Variants in LHFPL3 observed in about 807,000 individuals in gnomAD.
LHFPL3 encodes LHFPL tetraspan subfamily member 3 protein.
LHFPL3 carries 5 observed loss-of-function variants against 19.3 expected under a neutral mutation model. That is an observed-to-expected ratio of 0.26 (90% CI 0.14 to 0.54). The LOEUF (loss-of-function observed/expected upper bound fraction) is 0.54. LHFPL3 is among the 20% of genes least tolerant of loss of function. The pLI is 0.94. For missense variants in LHFPL3, 249 were observed against 307.4 expected (o/e 0.81, Z 1.42); for synonymous variants, 133 against 126.2 (o/e 1.05, Z -0.36).
chr7:104,603,479 A>G (rs968980672), intron 1 of LHFPL3, among the ~76,000 whole-genome samples: 1 of 152,140 alleles, frequency 6.6e-6, no homozygotes, highest in African/African-American at 2.4e-5. Flanking sequence ...AATGCAAAAT[A>G]CATTCATTTT....
intron 1 of LHFPL3, among the ~76,000 whole-genome samples, chr7:104,681,936 C>T (rs1452648272): frequency 6.6e-6 from 1 of 152,162 alleles, no homozygotes; most frequent in South Asian, 2.1e-4. Flanking sequence ...ATTCTGCCAT[C>T]AGCATATTGC....
rs1400264301 is a variant in LHFPL3, at chr7:104,545,713, T to G, written c.446-190962T>G. Reference sequence around the variant, plus strand: ...GAGCAGGAACGTAGTCTAGCCATTTTCATCCTTCAAACCACCAATTCCTTT... The same window carrying G: ...GAGCAGGAACGTAGTCTAGCCATTTGCATCCTTCAAACCACCAATTCCTTT... On this transcript the variant is annotated intron_variant, in intron 1 of 2. Coordinates refer to ENST00000424859, the MANE Select transcript of LHFPL3 (RefSeq NM_199000.3). Among the ~76,000 whole-genome samples the G allele has an allele frequency of 2.0e-5, 3 of 152,236 alleles. No homozygotes were observed. In the East Asian group the frequency reaches 5.8e-4, roughly 29 times the overall value.
chr7:104,566,926 CT>C (rs761794465), intron 1 of LHFPL3, among the ~76,000 whole-genome samples: 15 of 152,096 alleles, frequency 9.9e-5, no homozygotes, highest in Non-Finnish European at 1.8e-4. Flanking sequence ...AAAAATTATC[CT>C]TGGCTTTGTT....
At chr7:104,371,031 C>T (rs1006758427) in intron 1 of LHFPL3, among the ~76,000 whole-genome samples, 18 of 152,192 alleles carry the variant, frequency 1.2e-4, no homozygotes, top group Non-Finnish European at 1.3e-4. Context: ...ACCTCACTAT[C>T]CAACATATAT....
chr7:104,822,489 G>A (rs1790693597), intron 2 of LHFPL3, among the ~76,000 whole-genome samples: 1 of 152,142 alleles, frequency 6.6e-6, no homozygotes, highest in African/African-American at 2.4e-5. Context: ...TCTGTCCTGT[G>A]CATTGTAGGA....
At chr7:104,820,648 A>G (rs1280062253) in intron 2 of LHFPL3, among the ~76,000 whole-genome samples, 2 of 152,102 alleles carry the variant, frequency 1.3e-5, no homozygotes, top group East Asian at 1.9e-4. Flanking sequence ...CAGTATCACA[A>G]AGAACTCATT....
chr7:104,839,352 A>ATTTC (rs1267496954), intron 2 of LHFPL3, among the ~76,000 whole-genome samples: 1 of 152,164 alleles, frequency 6.6e-6, no homozygotes, highest in African/African-American at 2.4e-5. Flanking sequence ...GGAAACCTGA[A>ATTTC]TTTCTTTTAT....
chr7:104,611,431 A>G (rs1241863692), intron 1 of LHFPL3, among the ~76,000 whole-genome samples: 2 of 152,226 alleles, frequency 1.3e-5, no homozygotes, highest in Admixed American at 6.5e-5. Flanking sequence ...CAGGAAATAC[A>G]GCATGGCACA....
At chr7:104,817,332 C>A (rs996621862) in intron 2 of LHFPL3, among the ~76,000 whole-genome samples, 4 of 152,174 alleles carry the variant, frequency 2.6e-5, no homozygotes, top group African/African-American at 9.7e-5. Flanking sequence ...ATTCAGCCCA[C>A]AAGGGCCTCC....
intron 1 of LHFPL3, among the ~76,000 whole-genome samples, chr7:104,605,000 G>T (rs1419566250): frequency 6.6e-6 from 1 of 152,144 alleles, no homozygotes; most frequent in Admixed American, 6.5e-5. Flanking sequence ...ACAGGGATTT[G>T]CTAGCCATAT....
intron 2 of LHFPL3, among the ~76,000 whole-genome samples, chr7:104,882,232 C>T (rs1584596095): frequency 6.6e-6 from 1 of 151,992 alleles, no homozygotes; most frequent in East Asian, 1.9e-4. Flanking sequence ...CACTACATTT[C>T]ATTTATTTAT....
At chr7:104,861,749 C>T (rs1406870237) in intron 2 of LHFPL3, among the ~76,000 whole-genome samples, 1 of 152,174 alleles carries the variant, frequency 6.6e-6, no homozygotes, top group Non-Finnish European at 1.5e-5. Flanking sequence ...CTAACATGGT[C>T]AAACGCACAC....
chr7:104,669,032 C>A, intron 1 of LHFPL3: 1 of 1,612,046 alleles, frequency 6.2e-7, no homozygotes, highest in Non-Finnish European at 8.5e-7. Context: ...GGGACCTCCA[C>A]CACATCTGGC....
Position 104,343,058 on chromosome 7 carries a change from T to C in LHFPL3, c.445+13834T>C, listed in dbSNP as rs1562869712. 3.3e-5 allele frequency among the ~76,000 whole-genome samples: 5 copies of C among 151,134 alleles called. No homozygotes were observed. In the South Asian group the frequency reaches 1.0e-3, roughly 32 times the overall value. On this transcript the variant is annotated intron_variant, in intron 1 of 2. Transcript: ENST00000424859. The stretch of plus-strand genomic sequence containing the variant: ...ACAAATGATTGTGAGAGGTGGTCCC[T>C]ATACACTAAAGTTTTAATTATGATA...
At chr7:104,717,246 C>T (rs888945013) in intron 1 of LHFPL3, among the ~76,000 whole-genome samples, 6 of 151,932 alleles carry the variant, frequency 3.9e-5, no homozygotes. Flanking sequence ...TTAGTCTTGG[C>T]AATGATTTTA....
chr7:104,438,452 C>T (rs1792154513), intron 1 of LHFPL3, among the ~76,000 whole-genome samples: 1 of 152,132 alleles, frequency 6.6e-6, no homozygotes, highest in Non-Finnish European at 1.5e-5. Context: ...CATATCATTC[C>T]TTTAGAGACT....
At chr7:104,904,922 G>A (rs1489728421) in intron 2 of LHFPL3, among the ~76,000 whole-genome samples, 2 of 152,164 alleles carry the variant, frequency 1.3e-5, no homozygotes, top group Non-Finnish European at 2.9e-5. Flanking sequence ...AAAAGGAAAA[G>A]TAATTATCCC....
At position 104,841,569 on chromosome 7, in the gene LHFPL3, CGT is replaced by C. The variant is rs1791210127; in HGVS notation, c.683-64615_683-64614del. ...GTGTGTGGCTGTCCCTAAGCCATTA[CGT>C]GTCTGCTTTCCCATGTATGACTTTG... On this transcript the variant is annotated intron_variant, in intron 2 of 2. Transcript: ENST00000424859. Among the ~76,000 whole-genome samples the C allele has an allele frequency of 2.0e-5, 3 of 146,586 alleles. No individual in the cohort carries two copies. The Admixed American group carries it at 2.1e-4, about 10-fold the overall frequency.
At position 104,614,653 on chromosome 7, in the gene LHFPL3, CTCCT is replaced by C. The variant is rs758321617; in HGVS notation, c.446-121995_446-121992del. The stretch of plus-strand genomic sequence containing the variant: ...CTTCTCTTCTCTTCTCTTCTCTTCT[CTCCT>C]TCCTTCCTTCCTTCCTTCCTTCCTT... On this transcript the variant is annotated intron_variant, in intron 1 of 2. Transcript: ENST00000424859. Among the ~76,000 whole-genome samples the C allele has an allele frequency of 5.3e-3, 275 of 51,464 alleles. 8 individuals are homozygous for C. The highest frequency in any genetic ancestry group is 8.5e-3 in the African/African-American group (143 of 16,842). 33.8% of individuals were successfully genotyped at this position (51,464 alleles called of 152,430 possible).
Sources: allele counts gnomAD v4.1 joint callset (sites outside exome capture counted in the v4.1 genomes callset), GRCh38; gene constraint gnomAD v4.1.1; transcripts MANE v1.5; gene names NCBI Gene and HGNC (gene_info 2026-07-23, HGNC 2026-07-21).